ANKFN1: variants seen among roughly 807,000 people sequenced by gnomAD.
ANKFN1 encodes ankyrin repeat and fibronectin type-III domain-containing protein 1.
ANKFN1 carries 74 observed loss-of-function variants against 108.7 expected under a neutral mutation model. The observed-to-expected ratio is 0.68, with a 90% CI of 0.56 to 0.83. ANKFN1 has a LOEUF of 0.83. Among genes scored for constraint, ANKFN1 ranks in the 40% least tolerant of loss-of-function variants. The pLI is 0.00. For missense variants in ANKFN1, 1,505 were observed against 1,382.3 expected (o/e 1.09, Z -1.41); for synonymous variants, 547 against 516.2 (o/e 1.06, Z -0.81).
Position 56,482,482 on chromosome 17 carries a change from C to T in ANKFN1, c.2218C>T (p.His740Tyr), listed in dbSNP as rs1392290102. ...AGGACAGAATAATCCTTACACCCCA[C>T]ACTCAGGGTTTCTTAACCTCCCTCT... The part of the protein sequence containing the change: ...APGQNNPYTP[H>Y]SGFLNLPLQM... The change falls in exon 18 of 21, where the codon CAC (histidine) becomes TAC (tyrosine). Residue 740 changes from histidine (H) to tyrosine (Y), a missense_variant. Physicochemically the swap from His to Tyr is moderately conservative, Grantham distance 83. Coordinates refer to ENST00000682825, the MANE Select transcript of ANKFN1 (RefSeq NM_001370326.1). 4 of 1,613,330 alleles carry T rather than the reference C, an allele frequency of 2.5e-6. No homozygotes were observed. Among genetic ancestry groups the T allele is most frequent in the Admixed American group, 1.7e-5 (1 of 59,910 alleles).
intron 3 of ANKFN1, among the ~76,000 whole-genome samples, chr17:56,230,774 G>A (rs1383314748): frequency 6.6e-6 from 1 of 152,038 alleles, no homozygotes; most frequent in Non-Finnish European, 1.5e-5. Flanking sequence ...AAGAGGCTTG[G>A]TGATATCGTG....
intron 19 of ANKFN1, among the ~76,000 whole-genome samples, chr17:56,494,200 C>T (rs948282927): frequency 4.6e-5 from 7 of 152,134 alleles, no homozygotes; most frequent in African/African-American, 1.7e-4. Context: ...CTTTCCTCAT[C>T]CCGTGAATGA....
intron 2 of ANKFN1, among the ~76,000 whole-genome samples, chr17:56,224,371 T>C (rs1029349393): frequency 5.9e-5 from 9 of 152,272 alleles, no homozygotes; most frequent in African/African-American, 2.2e-4. Context: ...TAATTCAAAA[T>C]TCAGAATAAG....
chr17:56,252,055 G>GT (rs1400260183), intron 3 of ANKFN1, among the ~76,000 whole-genome samples: 1 of 152,198 alleles, frequency 6.6e-6, no homozygotes, highest in Admixed American at 6.5e-5. Flanking sequence ...TACAGACTCT[G>GT]GCTTAACCAC....
chr17:56,403,996 A>G (rs2047840870), intron 8 of ANKFN1, among the ~76,000 whole-genome samples: 1 of 152,152 alleles, frequency 6.6e-6, no homozygotes, highest in Non-Finnish European at 1.5e-5. Flanking sequence ...TAGGGCCCCT[A>G]TTCCTTCTGG....
intron 3 of ANKFN1, among the ~76,000 whole-genome samples, chr17:56,274,577 A>T (rs982955829): frequency 2.0e-5 from 3 of 152,204 alleles, no homozygotes; most frequent in African/African-American, 7.2e-5. Context: ...CTTCTCCAAG[A>T]TCACACAGCT....
intron 6 of ANKFN1, among the ~76,000 whole-genome samples, chr17:56,356,906 A>G (rs2046391344): frequency 6.6e-6 from 1 of 152,182 alleles, no homozygotes; most frequent in South Asian, 2.1e-4. Flanking sequence ...CTTACCTGCG[A>G]CACTACAAAA....
At chr17:56,218,034 G>A (rs1915554686) in intron 2 of ANKFN1, among the ~76,000 whole-genome samples, 1 of 152,110 alleles carries the variant, frequency 6.6e-6, no homozygotes, top group Admixed American at 6.5e-5. Context: ...CTACCTCCTA[G>A]TGAGTCATTA....
intron 4 of ANKFN1, among the ~76,000 whole-genome samples, chr17:56,131,656 A>G (rs921890505): frequency 6.6e-6 from 1 of 152,208 alleles, no homozygotes. Context: ...GGATGTAGCA[A>G]GAATTCACCG....
At chr17:56,475,951 T>C (rs8070836) in intron 15 of ANKFN1, among the ~76,000 whole-genome samples, 116,659 of 152,148 alleles carry the variant, frequency 0.77, 45,019 homozygotes, top group East Asian at 0.97. Flanking sequence ...TAACAGGAAG[T>C]ATGCCTGAGA....
intron 8 of ANKFN1, among the ~76,000 whole-genome samples, chr17:56,409,728 TA>T (rs1456659342): frequency 1.3e-5 from 2 of 152,160 alleles, no homozygotes; most frequent in Non-Finnish European, 2.9e-5. Flanking sequence ...ATAATACTCT[TA>T]ATATGCCTAG....
chr17:56,212,371 G>A (rs1175540346), intron 1 of ANKFN1, among the ~76,000 whole-genome samples: 2 of 152,040 alleles, frequency 1.3e-5, no homozygotes, highest in Non-Finnish European at 2.9e-5. Context: ...AACCATCCCT[G>A]CATCCCTGGT....
At chr17:56,322,916 G>A (rs760947722) in intron 3 of ANKFN1, among the ~76,000 whole-genome samples, 27 of 152,104 alleles carry the variant, frequency 1.8e-4, no homozygotes, top group Non-Finnish European at 2.5e-4. Flanking sequence ...GGAGCAATGC[G>A]CCCTCCCAAC....
chr17:56,280,911 C>T (rs1203781121), intron 3 of ANKFN1, among the ~76,000 whole-genome samples: 1 of 152,118 alleles, frequency 6.6e-6, no homozygotes, highest in Admixed American at 6.6e-5. Flanking sequence ...AGGTCTTTCT[C>T]ATGCTGTTTT....
Position 56,123,815 on chromosome 17 carries a change from G to A in ANKFN1, c.288+77490G>A, listed in dbSNP as rs1006276406. Among the ~76,000 whole-genome samples the A allele has an allele frequency of 7.4e-5, 11 of 148,490 alleles. No individual in the cohort carries two copies. In the East Asian group the frequency reaches 2.0e-3, roughly 28 times the overall value. ...ACTGATTGTGTGTGTGTGTGTGTGT[G>A]TGTGTGTGTGACAGAGAGAGACACA... On this transcript the variant is annotated intron_variant, in intron 4 of 12. Coordinates refer to the ANKFN1 transcript ENST00000635860.
intron 3 of ANKFN1, among the ~76,000 whole-genome samples, chr17:56,314,043 TG>T (rs1436880158): frequency 1.3e-5 from 2 of 152,232 alleles, no homozygotes. Flanking sequence ...TATTCTATTG[TG>T]TCTAGCTTCT....
chr17:56,396,542 T>C (rs7213785), intron 8 of ANKFN1, among the ~76,000 whole-genome samples: 5 of 150,728 alleles, frequency 3.3e-5, no homozygotes, highest in African/African-American at 9.8e-5. Flanking sequence ...AAACTTCTGG[T>C]TTTTTTTTGA....
intron 3 of ANKFN1, among the ~76,000 whole-genome samples, chr17:56,284,669 G>T (rs2044171173): frequency 6.6e-6 from 1 of 152,150 alleles, no homozygotes. Flanking sequence ...ACTGAGTCAT[G>T]GGCAGAAACA....
At chr17:56,047,300 T>C (rs1036505476) in intron 4 of ANKFN1, among the ~76,000 whole-genome samples, 1 of 151,910 alleles carries the variant, frequency 6.6e-6, no homozygotes, top group Non-Finnish European at 1.5e-5. Flanking sequence ...ATGCTGAATG[T>C]CTAGATATTT....
Sources: allele counts gnomAD v4.1 joint callset (sites outside exome capture counted in the v4.1 genomes callset), GRCh38; gene constraint gnomAD v4.1.1; transcripts MANE v1.5; gene names NCBI Gene and HGNC (gene_info 2026-07-23, HGNC 2026-07-21).